The following METTL2B variants were observed in gnomAD, a reference collection of about 807,000 sequenced individuals.
METTL2B encodes tRNA N(3)-cytidine methyltransferase METTL2B.
METTL2B carries 28 observed loss-of-function variants against 51.0 expected under a neutral mutation model. The observed-to-expected ratio is 0.55, with a 90% CI of 0.41 to 0.75. The LOEUF (loss-of-function observed/expected upper bound fraction) is 0.75. Among genes scored for constraint, METTL2B ranks in the 30% least tolerant of loss-of-function variants. The pLI is 0.00. For missense variants in METTL2B, 313 were observed against 460.7 expected, an observed-to-expected ratio of 0.68 and a Z score of 2.93; for synonymous variants, 128 against 166.3, an observed-to-expected ratio of 0.77 and a Z score of 1.77.
chr7:128,495,330 G>A (rs1157575250), intron 6 of METTL2B, among the ~76,000 whole-genome samples: 1 of 152,192 alleles, frequency 6.6e-6, no homozygotes, highest in African/African-American at 2.4e-5. Flanking sequence ...AGAAAACTGT[G>A]ATACAGAATT....
At chr7:128,500,495 A>G (rs1426872097) in intron 7 of METTL2B, among the ~76,000 whole-genome samples, 2 of 152,008 alleles carry the variant, frequency 1.3e-5, no homozygotes, top group Admixed American at 6.6e-5. Context: ...GGTGGTGGGA[A>G]CCTGTAATCC....
chr7:128,481,896 G>A (rs574129599), intron 4 of METTL2B, among the ~76,000 whole-genome samples: 1 of 152,058 alleles, frequency 6.6e-6, no homozygotes, highest in South Asian at 2.1e-4. Flanking sequence ...CTCTTGCCTC[G>A]GCCTCCCAAA....
rs1799844758 is a variant in METTL2B at position 128,479,321 on chromosome 7, A to G, written c.366A>G (p.Glu122=). 3.1e-6 allele frequency: 5 copies of G among 1,614,114 alleles called. No homozygotes were observed. Among genetic ancestry groups the G allele is most frequent in the South Asian group, 1.1e-5 (1 of 91,092 alleles). Residue 122 remains glutamate (E), a synonymous_variant, in exon 3 of 9, where the codon GAA becomes GAG. Transcript: ENST00000262432. The part of the protein sequence containing the change: ...LKDWFLENKS[E]VCECRNNEDG... The stretch of plus-strand genomic sequence containing the variant: ...ATTGGTTCTTGGAGAACAAGAGTGA[A>G]GTATGTGAATGTAGAAACAATGAGG...
At chr7:128,487,737 GT>G (rs1416433106) in intron 4 of METTL2B, among the ~76,000 whole-genome samples, 1 of 152,164 alleles carries the variant, frequency 6.6e-6, no homozygotes, top group African/African-American at 2.4e-5. Context: ...GTACAGATGT[GT>G]TCCTGGTGTG....
chr7:128,492,007 TTTG>T (rs1792842341), intron 5 of METTL2B, among the ~76,000 whole-genome samples: 1 of 152,160 alleles, frequency 6.6e-6, no homozygotes, highest in African/African-American at 2.4e-5. Context: ...AATCGTGTAC[TTTG>T]TTGTTTGTTT....
chr7:128,501,066 A>C, intron 8 of METTL2B, 98 bp downstream of exon 8: 1 of 1,576,840 alleles, frequency 6.3e-7, no homozygotes, highest in Non-Finnish European at 8.6e-7. Flanking sequence ...CCTGCCTTTT[A>C]GGCAGGCTGT....
chr7:128,490,610 G>C (rs188754410), intron 5 of METTL2B, among the ~76,000 whole-genome samples: 5 of 152,194 alleles, frequency 3.3e-5, no homozygotes, highest in African/African-American at 1.2e-4. Context: ...TTGCATACCA[G>C]TTTTCTCTAG....
At chr7:128,498,929 G>A (rs745555382) in intron 7 of METTL2B, among the ~76,000 whole-genome samples, 3 of 151,546 alleles carry the variant, frequency 2.0e-5, no homozygotes, top group Non-Finnish European at 4.4e-5. Flanking sequence ...CCCAGGAGGC[G>A]GAGCTTGCAG....
At chr7:128,492,183 G>T (rs1792845494) in intron 5 of METTL2B, among the ~76,000 whole-genome samples, 1 of 150,130 alleles carries the variant, frequency 6.7e-6, no homozygotes, top group Non-Finnish European at 1.5e-5. Context: ...TTGAGATGGA[G>T]TCTAGCTCTG....
intron 8 of METTL2B, chr7:128,501,207 C>T (rs1450645831): frequency 2.0e-6 from 2 of 985,354 alleles, no homozygotes; most frequent in African/African-American, 3.5e-5. Flanking sequence ...TCCCTGTCTG[C>T]CACTGTCCAA....
At chr7:128,495,397 A>C (rs1223253840) in intron 6 of METTL2B, among the ~76,000 whole-genome samples, 1 of 152,206 alleles carries the variant, frequency 6.6e-6, no homozygotes, top group African/African-American at 2.4e-5. Flanking sequence ...AAAATACACC[A>C]TTAAAACTTC....
At chr7:128,485,790 T>A (rs1174156485) in intron 4 of METTL2B, among the ~76,000 whole-genome samples, 1 of 152,140 alleles carries the variant, frequency 6.6e-6, no homozygotes, top group African/African-American at 2.4e-5. Flanking sequence ...GTACTCCAGG[T>A]GACAGAGCAA....
chr7:128,478,068 T>C lies in METTL2B; in HGVS notation c.202+895T>C. ...AGTCTTGGTTGATTCAGCAGGTGAG[T>C]TGTGAGTTGTTAACACACTTCTTAG... On this transcript the variant is annotated intron_variant, in intron 2 of 8. Coordinates refer to ENST00000262432, the MANE Select transcript of METTL2B (RefSeq NM_018396.3). 3 of 375,432 alleles carry C rather than the reference T, an allele frequency of 8.0e-6. No homozygotes were observed. In the Admixed American group the frequency reaches 9.2e-5, roughly 11 times the overall value. The allele number at this position is 375,432 out of a possible 1,614,324, so 23.3% of individuals were successfully genotyped here. A position where few individuals can be genotyped will look rare whatever the true frequency, so the allele number is the denominator to read the frequency against.
At chr7:128,488,227 A>T in intron 5 of METTL2B, 66 bp downstream of exon 5, 6 of 1,542,422 alleles carry the variant, frequency 3.9e-6, no homozygotes, top group Non-Finnish European at 5.3e-6. Context: ...TTCTCCTAAA[A>T]ATCAAGGTCT....
Position 128,504,350 on chromosome 7 carries a change from CT to C in METTL2B, c.*2453del, listed in dbSNP as rs66738177. The C allele has an allele frequency of 0.3, 31,810 of 107,794 alleles. 4,021 individuals carry two copies. Among genetic ancestry groups the C allele is most frequent in the Middle Eastern group, 0.42 (78 of 186 alleles). The allele number at this position is 107,794 out of a possible 1,614,324, so 6.7% of individuals were successfully genotyped here. A position where few individuals can be genotyped will look rare whatever the true frequency, so the allele number is the denominator to read the frequency against. On this transcript the variant is annotated 3_prime_UTR_variant, in exon 9 of 9. Coordinates refer to ENST00000262432, the MANE Select transcript of METTL2B (RefSeq NM_018396.3). ...GCTGGGTAATGTAGCAAGACCCTGA[CT>C]TTTTTTTTTTTTTTTTTTGAGATGG...
intron 8 of METTL2B, 177 bp from the exon 9 acceptor site, chr7:128,501,585 C>T (rs1232512441): frequency 1.0e-6 from 1 of 985,350 alleles, no homozygotes; most frequent in Non-Finnish European, 1.2e-6. Context: ...TACACAGTGG[C>T]TTCCCCTACC....
intron 4 of METTL2B, among the ~76,000 whole-genome samples, chr7:128,484,977 C>T (rs1792673287): frequency 1.3e-5 from 2 of 152,114 alleles, no homozygotes; most frequent in South Asian, 4.1e-4. Context: ...ATCCCTATAC[C>T]CATTAGCAGT....
At chr7:128,479,994 T>C (rs902720839) in intron 3 of METTL2B, among the ~76,000 whole-genome samples, 2 of 152,114 alleles carry the variant, frequency 1.3e-5, no homozygotes, top group Non-Finnish European at 1.5e-5. Context: ...CCTGGAAAAA[T>C]GTCTAGATTG....
At chr7:128,476,983 C>T in intron 1 of METTL2B, 99 bp from the exon 2 acceptor site, 1 of 1,593,820 alleles carries the variant, frequency 6.3e-7, no homozygotes, top group Non-Finnish European at 8.5e-7. Context: ...CTGCCCTACC[C>T]GAGGCACTCT....
Sources: gnomAD v4.1 joint callset for allele counts (sites outside exome capture counted in the v4.1 genomes callset) on GRCh38, gnomAD v4.1.1 for gene constraint, MANE v1.5 for transcripts, NCBI Gene and HGNC (gene_info 2026-07-23, HGNC 2026-07-21) for gene names.